Variants in IKBKE observed in about 807,000 individuals in gnomAD.
IKBKE encodes the protein inhibitor of nuclear factor kappa B kinase subunit epsilon.
IKBKE carries 45 observed loss-of-function variants against 92.1 expected under a neutral mutation model. The observed-to-expected ratio is 0.49, with a 90% CI of 0.38 to 0.63. The LOEUF is 0.63. IKBKE is among the 20% of genes least tolerant of loss of function. The pLI, the probability that IKBKE is intolerant of heterozygous loss-of-function variation, is 0.00. For synonymous variants in IKBKE, 374 were observed against 380.3 expected (o/e 0.98, Z 0.19); for missense variants, 700 against 932.8 (o/e 0.75, Z 3.25).
rs1372769413 is a variant in IKBKE, at chr1:206,488,063, G to A, written c.1693+73G>A. 1.7e-6 allele frequency: 2 copies of A among 1,186,436 alleles called. 1 individual carries two copies. Among genetic ancestry groups the A allele is most frequent in the South Asian group, 2.6e-5 (2 of 77,694 alleles). The allele number at this position is 1,186,436 out of a possible 1,614,324, so 73.5% of individuals were successfully genotyped here. ...TCTTTCGCCTTTCTTCCTTTTCACT[G>A]GTGCTACCAGTGGCCACTAACCTCC... is the stretch of plus-strand genomic sequence containing the variant. On this transcript the variant is annotated intron_variant, in intron 16 of 21. Coordinates refer to ENST00000581977, the MANE Select transcript of IKBKE (RefSeq NM_014002.4).
rs1233862570 is a variant in IKBKE at position 206,480,006 on chromosome 1, C to A, written c.1249-16C>A. ...AGGAGGTGTGGGACCTGGCCCTGTG[C>A]ATCTCTGTGTTTCAGGGCGTGTTGG... On this transcript the variant is annotated splice_polypyrimidine_tract_variant and intron_variant, in intron 11 of 21. Transcript: ENST00000581977. 6.2e-7 allele frequency: 1 copy of A among 1,611,118 alleles called. No homozygotes were observed. Among genetic ancestry groups the A allele is most frequent in the Non-Finnish European group, 8.5e-7 (1 of 1,178,774 alleles).
In IKBKE at chr1:206,479,949, C is replaced by T. The variant is rs201102682; in HGVS notation, c.1248+15C>T. 2 of 1,613,612 alleles carry T rather than the reference C, an allele frequency of 1.2e-6. No homozygotes were observed. Among genetic ancestry groups the T allele is most frequent in the Non-Finnish European group, 8.5e-7 (1 of 1,179,922 alleles). On this transcript the variant is annotated intron_variant, in intron 11 of 21. Coordinates refer to ENST00000581977, the MANE Select transcript of IKBKE (RefSeq NM_014002.4). ...ACACTGCCAAGGTGAGGGGCAACCC[C>T]CAGGTGGCAGGGAGGGGCATGACCC...
At chr1:206,480,862 T>A (rs1393283681) in intron 13 of IKBKE, among the ~76,000 whole-genome samples, 6 of 152,286 alleles carry the variant, frequency 3.9e-5, no homozygotes, top group Admixed American at 3.3e-4. Context: ...GCTCACCCTA[T>A]GCCAAGTGCC....
chr1:206,484,907 A>C (rs1665574516), intron 13 of IKBKE, 90 bp from the exon 14 acceptor site: 4 of 1,031,196 alleles, frequency 3.9e-6, no homozygotes, highest in Non-Finnish European at 4.6e-6. Flanking sequence ...CACAGATGCT[A>C]TGCCCAGCAT....
Position 206,478,425 on chromosome 1 carries a change from G to A in IKBKE, c.992+86G>A, listed in dbSNP as rs1468481639. On this transcript the variant is annotated intron_variant, in intron 9 of 21. Transcript: ENST00000581977. This position sits in a 1 kb window ranked among gnomAD's most constrained non-coding sequence, Gnocchi z 4.8. ...TCCAAAGCAGCATCTCCCACAGTAC[G>A]TTCTGAGGAGTGTGTACATAGGAAC... 1.7e-5 allele frequency: 22 copies of A among 1,323,962 alleles called. No individual in the cohort carries two copies. Among genetic ancestry groups the A allele is most frequent in the Admixed American group, 3.4e-5 (2 of 58,310 alleles). The allele number at this position is 1,323,962 out of a possible 1,614,324, so 82.0% of individuals were successfully genotyped here. A position where few individuals can be genotyped will look rare whatever the true frequency, so the allele number is the denominator to read the frequency against.
chr1:206,472,945 C>G, intron 2 of IKBKE: 2 of 437,900 alleles, frequency 4.6e-6, no homozygotes, highest in South Asian at 5.3e-5. Context: ...GGAGCCAGGA[C>G]AGGCAGCAGG....
intron 16 of IKBKE, among the ~76,000 whole-genome samples, chr1:206,489,367 GTGTATATA>G (rs1415283311): frequency 0.047 from 2,402 of 51,208 alleles, 27 homozygotes; most frequent in African/African-American, 0.095. Context: ...GTGTGTGTGT[GTGTATATA>G]TATATATATA....
intron 13 of IKBKE, among the ~76,000 whole-genome samples, chr1:206,481,807 C>T (rs1397311582): frequency 5.8e-4 from 71 of 123,398 alleles, no homozygotes; most frequent in African/African-American, 2.1e-3. Context: ...TGAGACGGAG[C>T]CTCGCTCTGT....
At chr1:206,483,123 C>T (rs41261444) in intron 13 of IKBKE, among the ~76,000 whole-genome samples, 8,616 of 152,356 alleles carry the variant, frequency 0.057, 356 homozygotes, top group Non-Finnish European at 0.077. Flanking sequence ...CTTCCCCCAG[C>T]CCCGCCACCA....
At position 206,476,411 on chromosome 1, in the gene IKBKE, G is replaced by T. The variant is rs376170079; in HGVS notation, c.540+49G>T. The T allele has an allele frequency of 3.0e-5, 46 of 1,551,446 alleles. No homozygotes were observed. The highest frequency in any genetic ancestry group is 7.0e-6 in the Non-Finnish European group (8 of 1,140,046). On this transcript the variant is annotated intron_variant, in intron 6 of 21. Transcript: ENST00000581977. This position sits in a 1 kb window ranked among gnomAD's most constrained non-coding sequence, Gnocchi z 5.1. ...CTGCCCTATGCTGAGGGCTCCCCTTGCCTTGTGAGCCCCCCAGAGCCCCCA... is the reference window on the plus strand; with the variant it reads ...CTGCCCTATGCTGAGGGCTCCCCTTTCCTTGTGAGCCCCCCAGAGCCCCCA...
chr1:206,471,483 G>A (rs1035160621), intron 2 of IKBKE, among the ~76,000 whole-genome samples: 14 of 152,154 alleles, frequency 9.2e-5, no homozygotes, highest in Non-Finnish European at 1.9e-4. Context: ...GGGGCACACC[G>A]CTTGTCTGGG....
intron 18 of IKBKE, chr1:206,492,504 G>A (rs11118256): frequency 0.072 from 34,077 of 471,252 alleles, 3,984 homozygotes; most frequent in East Asian, 0.44. Flanking sequence ...CTGGAGCAGG[G>A]CTTGGATGTC....
intron 18 of IKBKE, 92 bp downstream of exon 18, chr1:206,491,841 G>C (rs1173562044): frequency 5.6e-6 from 5 of 893,220 alleles, no homozygotes; most frequent in Non-Finnish European, 9.3e-6. Flanking sequence ...CCCTGAGGCA[G>C]AGGGAGGAGT....
intron 10 of IKBKE, 76 bp downstream of exon 10, chr1:206,479,209 A>AT: frequency 5.6e-6 from 7 of 1,241,930 alleles, no homozygotes; most frequent in Non-Finnish European, 6.6e-6. Flanking sequence ...AATCCAGGCC[A>AT]TTGGTTACTT....
At chr1:206,473,900 G>A (rs1483754956) in intron 3 of IKBKE, among the ~76,000 whole-genome samples, 1 of 144,918 alleles carries the variant, frequency 6.9e-6, no homozygotes, top group Non-Finnish European at 1.5e-5. Flanking sequence ...GGCAGAGGTT[G>A]CAGTGAGCTG....
In IKBKE at chr1:206,491,866, G is replaced by A. The variant is rs1250248049; in HGVS notation, c.1835+117G>A. ...GAGGGAGGAGTGAGTGAAGGGGTGT[G>A]AGCAGAGGAGTGGTTTTCTGTCCCT... On this transcript the variant is annotated intron_variant, in intron 18 of 21. Coordinates refer to ENST00000581977, the MANE Select transcript of IKBKE (RefSeq NM_014002.4). The A allele has an allele frequency of 4.2e-6, 3 of 708,706 alleles. No individual in the cohort carries two copies. In the East Asian group the frequency reaches 8.4e-5, roughly 20 times the overall value. The allele number at this position is 708,706 out of a possible 1,614,324, so 43.9% of individuals were successfully genotyped here.
At chr1:206,473,607 T>G (rs1553384370) in intron 3 of IKBKE, among the ~76,000 whole-genome samples, 1 of 152,158 alleles carries the variant, frequency 6.6e-6, no homozygotes, top group Non-Finnish European at 1.5e-5. Flanking sequence ...GAGTGGGGAA[T>G]TAGGCCTTGT....
chr1:206,473,561 G>A (rs782311317), intron 3 of IKBKE, among the ~76,000 whole-genome samples: 2 of 152,246 alleles, frequency 1.3e-5, no homozygotes, highest in African/African-American at 4.8e-5. Context: ...GCAAACATCC[G>A]AGGAAGGTAA....
At chr1:206,472,215 C>G (rs1553383989) in intron 2 of IKBKE, among the ~76,000 whole-genome samples, 3 of 152,058 alleles carry the variant, frequency 2.0e-5, no homozygotes, top group Admixed American at 6.5e-5. Context: ...TGTACCACTG[C>G]ACCCCAGCCT....
Sources: allele counts gnomAD v4.1 joint callset (sites outside exome capture counted in the v4.1 genomes callset), GRCh38; gene constraint gnomAD v4.1.1; non-coding constraint Gnocchi (gnomAD v3.1); transcripts MANE v1.5; gene names NCBI Gene and HGNC (gene_info 2026-07-23, HGNC 2026-07-21).